The following CASR variants were observed in gnomAD, a reference collection of about 807,000 sequenced individuals.
CASR encodes extracellular calcium-sensing receptor.
In CASR, 23 loss-of-function variants were observed where a neutral mutation model predicts 69.1. The ratio of observed to expected loss-of-function variants is 0.33; its 90% CI spans 0.24 to 0.47. The LOEUF is 0.47. CASR is among the 20% of genes least tolerant of loss of function. The pLI is 1.00. For missense variants in CASR, 924 were observed against 1,356.1 expected, an observed-to-expected ratio of 0.68 and a Z score of 5.00; for synonymous variants, 541 against 544.7, an observed-to-expected ratio of 0.99 and a Z score of 0.10.
chr3:122,264,960 C>T (rs1053197254), intron 4 of CASR, among the ~76,000 whole-genome samples: 1 of 152,198 alleles, frequency 6.6e-6, no homozygotes, highest in Non-Finnish European at 1.5e-5. Flanking sequence ...CAGTTCTTCC[C>T]CTATAAGCCA....
chr3:122,215,305 G>A (rs956630756), intron 1 of CASR, among the ~76,000 whole-genome samples: 3 of 152,166 alleles, frequency 2.0e-5, no homozygotes, highest in Non-Finnish European at 2.9e-5. Flanking sequence ...AAAGCTTTCT[G>A]CTTATCCCAT....
intron 3 of CASR, among the ~76,000 whole-genome samples, chr3:122,258,470 C>G (rs2074581598): frequency 6.7e-6 from 1 of 148,380 alleles, no homozygotes; most frequent in Non-Finnish European, 1.5e-5. Flanking sequence ...AAAGGTGTTT[C>G]CCATGGGGAA....
chr3:122,277,890 A>G (rs1274489390), intron 5 of CASR, among the ~76,000 whole-genome samples: 1 of 152,208 alleles, frequency 6.6e-6, no homozygotes, highest in East Asian at 1.9e-4. Context: ...AACACAGGGA[A>G]TTCTCATTAA....
chr3:122,184,717 C>T (rs1315138329), intron 1 of CASR, among the ~76,000 whole-genome samples: 3 of 152,214 alleles, frequency 2.0e-5, no homozygotes, highest in Non-Finnish European at 4.4e-5. Context: ...AGGCTTTCCC[C>T]GGCTCAGAAC....
chr3:122,264,690 T>C (rs2074668483), intron 4 of CASR, among the ~76,000 whole-genome samples: 1 of 152,124 alleles, frequency 6.6e-6, no homozygotes, highest in Non-Finnish European at 1.5e-5. Context: ...ACATGGGAAA[T>C]TGGCCAAAAT....
intron 1 of CASR, among the ~76,000 whole-genome samples, chr3:122,239,938 CAGGT>C (rs1319136337): frequency 6.6e-6 from 1 of 152,118 alleles, no homozygotes; most frequent in Non-Finnish European, 1.5e-5. Context: ...TCTTAAAAAA[CAGGT>C]AGAGAAATAG....
intron 1 of CASR, among the ~76,000 whole-genome samples, chr3:122,220,362 G>A (rs530760385): frequency 6.6e-5 from 10 of 152,234 alleles, no homozygotes; most frequent in African/African-American, 1.9e-4. Context: ...AACAATAAGC[G>A]AAGAGCCAGT....
At chr3:122,196,519 T>TTTTG (rs548881532) in intron 1 of CASR, among the ~76,000 whole-genome samples, 31 of 152,034 alleles carry the variant, frequency 2.0e-4, no homozygotes, top group South Asian at 1.0e-3. Flanking sequence ...TTTTGGGGTT[T>TTTTG]TTTGTTTGTT....
At position 122,254,136 on chromosome 3, in the gene CASR, G is replaced by A. The variant is rs1459094006; in HGVS notation, c.-54G>A. 6.4e-7 allele frequency: 1 copy of A among 1,574,162 alleles called. No individual in the cohort carries two copies. The highest frequency in any genetic ancestry group is 1.3e-5 in the African/African-American group (1 of 74,196). On this transcript the variant is annotated 5_prime_UTR_variant, in exon 2 of 7. Coordinates refer to ENST00000639785, the MANE Select transcript of CASR (RefSeq NM_000388.4). ...ACTGCTCCAAGGGAGAAACTTCTGGGAGCCTCCAAACTCCTAGCTGTCTCA... is the reference window on the plus strand; with the variant it reads ...ACTGCTCCAAGGGAGAAACTTCTGGAAGCCTCCAAACTCCTAGCTGTCTCA...
chr3:122,282,269 C>T lies in CASR; in HGVS notation c.1732+33C>T, dbSNP rs200118008. ...AACCCCTCTTGGGCACTGTGCAGGG[C>T]TTGGTCCACTTCGGAGGCCTGGGGT... On this transcript the variant is annotated intron_variant, in intron 6 of 6. Coordinates refer to ENST00000639785, the MANE Select transcript of CASR (RefSeq NM_000388.4). 7 of 1,611,456 alleles carry T rather than the reference C, an allele frequency of 4.3e-6. No homozygotes were observed. The Admixed American group carries it at 1.2e-4, about 27-fold the overall frequency.
chr3:122,255,738 A>G (rs1272837184), intron 2 of CASR, among the ~76,000 whole-genome samples: 1 of 152,258 alleles, frequency 6.6e-6, no homozygotes, highest in African/African-American at 2.4e-5. Flanking sequence ...TAAAACAAAT[A>G]GTTAAACAAA....
intron 1 of CASR, among the ~76,000 whole-genome samples, chr3:122,201,817 G>C (rs941553512): frequency 6.6e-6 from 1 of 151,588 alleles, no homozygotes. Flanking sequence ...CATCTCAGAC[G>C]ATGGGCGGCC....
chr3:122,188,452 G>A (rs183738379), intron 1 of CASR, among the ~76,000 whole-genome samples: 1 of 152,170 alleles, frequency 6.6e-6, no homozygotes, highest in Non-Finnish European at 1.5e-5. Flanking sequence ...CAGGACTGGG[G>A]ATCAGGAATC....
chr3:122,191,756 A>G (rs371330591), intron 1 of CASR, among the ~76,000 whole-genome samples: 2 of 152,268 alleles, frequency 1.3e-5, no homozygotes, highest in South Asian at 2.1e-4. Context: ...CATTAAGACC[A>G]TGGTTTCAAA....
At chr3:122,274,662 G>T (rs932375553) in intron 4 of CASR, among the ~76,000 whole-genome samples, 2 of 152,220 alleles carry the variant, frequency 1.3e-5, no homozygotes, top group African/African-American at 4.8e-5. Context: ...AGCACTTTGG[G>T]AGGCTGAGGC....
chr3:122,217,329 G>C (rs1416823775), intron 1 of CASR, among the ~76,000 whole-genome samples: 1 of 152,028 alleles, frequency 6.6e-6, no homozygotes, highest in African/African-American at 2.4e-5. Context: ...TCAAACTCTT[G>C]AGTTCAAGCA....
intron 1 of CASR, among the ~76,000 whole-genome samples, chr3:122,201,391 T>C (rs748714017): frequency 3.9e-5 from 6 of 152,216 alleles, no homozygotes; most frequent in Non-Finnish European, 8.8e-5. Flanking sequence ...AAGTCTCCCA[T>C]GTCTACCTCT....
At chr3:122,248,292 C>T (rs2074447263) in intron 1 of CASR, among the ~76,000 whole-genome samples, 1 of 152,154 alleles carries the variant, frequency 6.6e-6, no homozygotes, top group African/African-American at 2.4e-5. Context: ...GTATAGAAAC[C>T]CATATTGTGG....
chr3:122,230,794 A>G (rs1367981382), intron 1 of CASR, among the ~76,000 whole-genome samples: 1 of 152,218 alleles, frequency 6.6e-6, no homozygotes, highest in Admixed American at 6.5e-5. Context: ...CCCAAGGAGG[A>G]GCAGCTAGGT....
Sources: allele counts gnomAD v4.1 joint callset (sites outside exome capture counted in the v4.1 genomes callset), GRCh38; gene constraint gnomAD v4.1.1; transcripts MANE v1.5; gene names NCBI Gene and HGNC (gene_info 2026-07-23, HGNC 2026-07-21).